MGAM2: variants seen among roughly 807,000 people sequenced by gnomAD.
MGAM2 encodes the protein probable maltase-glucoamylase 2.
In MGAM2, 98 loss-of-function variants were observed where a neutral mutation model predicts 96.1. That is an observed-to-expected ratio of 1.02 (90% CI 0.87 to 1.21). The LOEUF (loss-of-function observed/expected upper bound fraction) is 1.21. Among genes scored for constraint, MGAM2 ranks in the 50% most tolerant of loss-of-function variants. The pLI, the probability that MGAM2 is intolerant of heterozygous loss-of-function variation, is 0.00. For missense variants in MGAM2, 2,055 were observed against 1,182.4 expected, an observed-to-expected ratio of 1.74 and a Z score of -10.82; for synonymous variants, 749 against 414.8, an observed-to-expected ratio of 1.81 and a Z score of -9.79.
chr7:142,121,153 G>A (rs546393546), intron 3 of MGAM2, among the ~76,000 whole-genome samples: 39 of 152,134 alleles, frequency 2.6e-4, no homozygotes, highest in Admixed American at 1.3e-3. Flanking sequence ...CTCCATTTCA[G>A]TTCTTTTCAT....
chr7:142,217,693 G>A (rs1797807474), intron 46 of MGAM2, among the ~76,000 whole-genome samples: 2 of 152,148 alleles, frequency 1.3e-5, no homozygotes, highest in African/African-American at 4.8e-5. Flanking sequence ...GTGAGTTCTT[G>A]TGTTTGCTAA....
chr7:142,167,622 G>A, intron 26 of MGAM2, 136 bp downstream of exon 26: 1 of 623,866 alleles, frequency 1.6e-6, no homozygotes, highest in East Asian at 2.7e-5. Context: ...ACCCAGGCTG[G>A]AATGCAGGGG....
rs984865712 is a variant in MGAM2 at position 142,218,421 on chromosome 7, G to T, written c.5248G>T (p.Val1750Phe). 4 of 702,538 alleles carry T rather than the reference G, an allele frequency of 5.7e-6. No individual in the cohort carries two copies. The highest frequency in any genetic ancestry group is 1.0e-5 in the Non-Finnish European group (4 of 384,848). 43.5% of individuals were successfully genotyped at this position (702,538 alleles called of 1,614,324 possible). A position where few individuals can be genotyped will look rare whatever the true frequency, so the allele number is the denominator to read the frequency against. Residue 1750 changes from valine (V) to phenylalanine (F), a missense_variant, in exon 47 of 48, where the codon GTT (valine) becomes TTT (phenylalanine). By Grantham distance (50) the Val-to-Phe change is conservative. Coordinates refer to ENST00000477922, the MANE Select transcript of MGAM2 (RefSeq NM_001293626.2). ...TTTGAGTGACTCGAATCCACTAAAA[G>T]TTGGGTATATTAGAATCTGGGGTGT... ...KYLSDSNPLK[V>F]GYIRIWGVNT...
intron 45 of MGAM2, among the ~76,000 whole-genome samples, chr7:142,201,815 G>T (rs1797244752): frequency 6.6e-6 from 1 of 152,074 alleles, no homozygotes. Flanking sequence ...ATGTGTATAG[G>T]TTATATGCAA....
Position 142,116,911 on chromosome 7 carries a change from T to C in MGAM2, c.38T>C (p.Ile13Thr). The change falls in exon 2 of 48, where the codon ATC becomes ACC. Residue 13 changes from isoleucine to threonine, a missense_variant. Transcript: ENST00000477922. ...RKLSVLEVLLIIFCLIVVTID... is the reference protein window; with the variant it reads ...RKLSVLEVLLTIFCLIVVTID... ...CTCAGTGTATTGGAAGTCCTTCTGA[T>C]CATCTTCTGCTTAATTGTGGTGACC... 2 of 703,578 alleles carry C rather than the reference T, an allele frequency of 2.8e-6. No homozygotes were observed. Among genetic ancestry groups the C allele is most frequent in the Non-Finnish European group, 5.2e-6 (2 of 385,090 alleles). 43.6% of individuals were successfully genotyped at this position (703,578 alleles called of 1,614,324 possible). A position where few individuals can be genotyped will look rare whatever the true frequency, so the allele number is the denominator to read the frequency against.
chr7:142,113,638 T>C (rs1817251558), intron 1 of MGAM2, among the ~76,000 whole-genome samples: 1 of 152,182 alleles, frequency 6.6e-6, no homozygotes, highest in African/African-American at 2.4e-5. Flanking sequence ...GATGATTTCA[T>C]GTTTAAACAT....
chr7:142,156,971 T>C (rs1795754057), intron 17 of MGAM2, among the ~76,000 whole-genome samples: 1 of 152,184 alleles, frequency 6.6e-6, no homozygotes, highest in African/African-American at 2.4e-5. Flanking sequence ...GTTATTTTTT[T>C]ACTCTTGGAT....
chr7:142,193,829 C>G (rs1411768157), intron 37 of MGAM2, among the ~76,000 whole-genome samples: 2 of 152,086 alleles, frequency 1.3e-5, no homozygotes, highest in Non-Finnish European at 2.9e-5. Context: ...AGCACAAACA[C>G]ATACTACTGG....
rs541656253 is a variant in MGAM2 at position 142,209,774 on chromosome 7, C to T, written c.5187+1152C>T. Reference sequence around the variant, plus strand: ...TAGATTTCTTTTAAAACATCAGAACCGAGAGCATATTTTAGAGCTGTCTAT... The same window carrying T: ...TAGATTTCTTTTAAAACATCAGAACTGAGAGCATATTTTAGAGCTGTCTAT... On this transcript the variant is annotated intron_variant, in intron 46 of 47. Coordinates refer to ENST00000477922, the MANE Select transcript of MGAM2 (RefSeq NM_001293626.2). Among the ~76,000 whole-genome samples, 15 of 152,208 alleles carry T rather than the reference C, an allele frequency of 9.9e-5. No homozygotes were observed. The South Asian group carries it at 1.2e-3, about 13-fold the overall frequency.
At chr7:142,208,337 C>T in intron 45 of MGAM2, 1 of 632,080 alleles carries the variant, frequency 1.6e-6, no homozygotes, top group Non-Finnish European at 2.9e-6. Flanking sequence ...CCCAGATTCT[C>T]TTGCATTTGT....
chr7:142,197,289 G>T, intron 40 of MGAM2, 111 bp from the exon 41 acceptor site: 1 of 629,478 alleles, frequency 1.6e-6, no homozygotes, highest in Non-Finnish European at 2.8e-6. Flanking sequence ...GAATGAAAGG[G>T]TAAGTGGCTT....
intron 46 of MGAM2, among the ~76,000 whole-genome samples, chr7:142,211,816 A>G (rs1306230627): frequency 2.0e-5 from 3 of 152,200 alleles, no homozygotes; most frequent in Non-Finnish European, 2.9e-5. Flanking sequence ...ACAGGCCAAC[A>G]TTCAAATTCA....
intron 5 of MGAM2, 51 bp downstream of exon 5, chr7:142,131,678 C>A (rs1193505857): frequency 1.4e-6 from 1 of 696,338 alleles, no homozygotes; most frequent in Non-Finnish European, 2.6e-6. Flanking sequence ...GCAGTGTGCT[C>A]ACATTGGGCT....
chr7:142,158,585 A>T (rs551699025), intron 19 of MGAM2, among the ~76,000 whole-genome samples: 97 of 152,322 alleles, frequency 6.4e-4, no homozygotes, highest in African/African-American at 2.2e-3. Flanking sequence ...TGGCTGCAGC[A>T]TTGACAATGG....
chr7:142,200,356 A>G (rs1797183113), intron 45 of MGAM2, among the ~76,000 whole-genome samples: 1 of 152,230 alleles, frequency 6.6e-6, no homozygotes, highest in Non-Finnish European at 1.5e-5. Context: ...CCTGTTCCTC[A>G]CAAATAGGCC....
At chr7:142,128,340 T>C (rs1794785039) in intron 3 of MGAM2, among the ~76,000 whole-genome samples, 4 of 152,176 alleles carry the variant, frequency 2.6e-5, no homozygotes. Context: ...ATTTGCAGCC[T>C]GATGATGCAA....
intron 6 of MGAM2, among the ~76,000 whole-genome samples, chr7:142,132,418 T>C (rs1482427414): frequency 7.1e-6 from 1 of 141,096 alleles, no homozygotes; most frequent in African/African-American, 2.6e-5. Flanking sequence ...AATAATAATA[T>C]ATTATTACTA....
intron 8 of MGAM2, among the ~76,000 whole-genome samples, chr7:142,137,103 C>A (rs1383570075): frequency 6.6e-6 from 1 of 151,862 alleles, no homozygotes; most frequent in Non-Finnish European, 1.5e-5. Context: ...TAATTGTAGT[C>A]AAACTCATCT....
intron 15 of MGAM2, among the ~76,000 whole-genome samples, chr7:142,149,527 C>T (rs1024990580): frequency 6.6e-6 from 1 of 151,452 alleles, no homozygotes; most frequent in Non-Finnish European, 1.5e-5. Context: ...AATCTTCTGA[C>T]GTTGTCTACT....
Sources: allele counts gnomAD v4.1 joint callset (sites outside exome capture counted in the v4.1 genomes callset), GRCh38; gene constraint gnomAD v4.1.1; transcripts MANE v1.5; gene names NCBI Gene and HGNC (gene_info 2026-07-23, HGNC 2026-07-21).